USP50: variants seen among roughly 807,000 people sequenced by gnomAD.
USP50 encodes the protein ubiquitin carboxyl-terminal hydrolase 50.
Under a neutral mutation model 39.2 loss-of-function variants are expected in USP50, and 37 were observed. That is an observed-to-expected ratio of 0.94 (90% CI 0.73 to 1.24). The LOEUF (loss-of-function observed/expected upper bound fraction) is 1.24. Ranked by LOEUF, USP50 falls within the 50% of genes most tolerant of loss-of-function variation. The pLI is 0.00. For synonymous variants in USP50, 139 were observed against 144.5 expected, an observed-to-expected ratio of 0.96 and a Z score of 0.27; for missense variants, 374 against 398.2, an observed-to-expected ratio of 0.94 and a Z score of 0.52.
At chr15:50,542,546 T>A (rs2053038753) in intron 3 of USP50, among the ~76,000 whole-genome samples, 1 of 140,440 alleles carries the variant, frequency 7.1e-6, no homozygotes, top group Non-Finnish European at 1.5e-5. Context: ...TGGAGTGCAG[T>A]GGCATGATCT....
At chr15:50,497,125 A>G, downstream of USP50, 1 of 1,605,896 alleles carries the variant, frequency 6.2e-7, no homozygotes, top group Non-Finnish European at 8.5e-7. Flanking sequence ...AGAAAAACTC[A>G]CAGATAACAA....
intron 5 of USP50, among the ~76,000 whole-genome samples, chr15:50,533,094 C>T (rs1020077356): frequency 6.6e-6 from 1 of 151,262 alleles, no homozygotes; most frequent in Non-Finnish European, 1.5e-5. Flanking sequence ...TCGCTTGAGC[C>T]CAGGAGTTTG....
chr15:50,496,436 T>G (rs939191946), downstream of USP50, among the ~76,000 whole-genome samples: 25 of 143,172 alleles, frequency 1.7e-4, no homozygotes, highest in African/African-American at 6.4e-4. Context: ...AGCTGAGATC[T>G]CGCCACTGCA....
intron 6 of USP50, among the ~76,000 whole-genome samples, chr15:50,515,179 T>G (rs988310957): frequency 6.6e-6 from 1 of 152,024 alleles, no homozygotes; most frequent in African/African-American, 2.4e-5. Context: ...CAGATTTTTA[T>G]TTTATACAAT....
downstream of USP50, chr15:50,499,057 T>C (rs770689793): frequency 2.5e-6 from 4 of 1,612,552 alleles, no homozygotes; most frequent in Non-Finnish European, 2.5e-6. Flanking sequence ...TATACTTCAT[T>C]GGGACCACGA....
At chr15:50,529,472 A>G (rs1200867019) in intron 6 of USP50, among the ~76,000 whole-genome samples, 1 of 152,188 alleles carries the variant, frequency 6.6e-6, no homozygotes, top group African/African-American at 2.4e-5. Flanking sequence ...AGCCTGGGCA[A>G]CAGAGCAAGG....
intron 6 of USP50, 69 bp downstream of exon 6, chr15:50,529,728 G>A: frequency 1.3e-6 from 2 of 1,527,366 alleles, no homozygotes; most frequent in Non-Finnish European, 1.8e-6. Flanking sequence ...GGAGAAATAG[G>A]GATTCAAGCA....
At chr15:50,496,338 G>A (rs534159355), downstream of USP50, among the ~76,000 whole-genome samples, 64 of 151,976 alleles carry the variant, frequency 4.2e-4, no homozygotes, top group African/African-American at 1.4e-3. Context: ...AAAATTAGCC[G>A]GGCGTGGTGG....
At chr15:50,499,218 T>TA, downstream of USP50, 1 of 812,310 alleles carries the variant, frequency 1.2e-6, no homozygotes, top group Non-Finnish European at 1.8e-6. Context: ...GCTGTGTTAC[T>TA]AGCACTATAT....
chr15:50,523,239 CAAA>C (rs1457026749), intron 6 of USP50, among the ~76,000 whole-genome samples: 6 of 134,162 alleles, frequency 4.5e-5, no homozygotes, highest in African/African-American at 1.7e-4. Context: ...AGTGCAGTGG[CAAA>C]ATCACAGCTC....
chr15:50,527,295 C>T (rs1001198739), intron 6 of USP50, among the ~76,000 whole-genome samples: 3 of 152,234 alleles, frequency 2.0e-5, no homozygotes, highest in Non-Finnish European at 4.4e-5. Flanking sequence ...ACCTCCGCCT[C>T]CCAGGTTCAA....
At chr15:50,529,024 C>T (rs1033043482) in intron 6 of USP50, among the ~76,000 whole-genome samples, 5 of 152,048 alleles carry the variant, frequency 3.3e-5, no homozygotes, top group Admixed American at 6.6e-5. Context: ...ATATGAGTTC[C>T]GGTGGTTTGG....
At chr15:50,534,289 C>T (rs75240174) in intron 5 of USP50, among the ~76,000 whole-genome samples, 2,249 of 151,982 alleles carry the variant, frequency 0.015, 51 homozygotes, top group African/African-American at 0.052. Flanking sequence ...TGAAAGTGGA[C>T]CAGGATTAGT....
chr15:50,494,264 A>G, intron 1 of USP50: 1 of 1,606,600 alleles, frequency 6.2e-7, no homozygotes, highest in Non-Finnish European at 8.5e-7. Flanking sequence ...GATGGTCTCC[A>G]TGAAGATCTA....
intron 6 of USP50, 148 bp downstream of exon 6, chr15:50,529,649 G>A: frequency 1.3e-6 from 1 of 793,448 alleles, no homozygotes; most frequent in Middle Eastern, 3.1e-4. Context: ...TCCTCTACTT[G>A]TCTAGGTCAA....
intron 5 of USP50, among the ~76,000 whole-genome samples, chr15:50,532,505 C>T (rs1285326976): frequency 6.6e-6 from 1 of 152,100 alleles, no homozygotes; most frequent in African/African-American, 2.4e-5. Flanking sequence ...GATTATGGAA[C>T]GCTTCCCCTC....
chr15:50,544,837 T>C (rs1213808858), intron 1 of USP50, 56 bp from the exon 2 acceptor site: 18 of 1,504,316 alleles, frequency 1.2e-5, no homozygotes, highest in African/African-American at 4.2e-5. Flanking sequence ...TATGTACAAA[T>C]GACAATAAGC....
intron 4 of USP50, 73 bp from the exon 5 acceptor site, chr15:50,538,924 C>A: frequency 2.0e-6 from 3 of 1,474,774 alleles, no homozygotes; most frequent in South Asian, 1.4e-5. Context: ...TCTATTGGAA[C>A]TTTGCAAATG....
intron 5 of USP50, chr15:50,532,179 C>T (rs538772939): frequency 4.4e-6 from 2 of 456,246 alleles, no homozygotes; most frequent in African/African-American, 2.0e-5. Context: ...CTTCCAGGAG[C>T]CCAACCACAC....
Sources: allele counts gnomAD v4.1 joint callset (sites outside exome capture counted in the v4.1 genomes callset), GRCh38; gene constraint gnomAD v4.1.1; transcripts MANE v1.5; gene names NCBI Gene and HGNC (gene_info 2026-07-23, HGNC 2026-07-21).